MIDN: variants seen among roughly 807,000 people sequenced by gnomAD.
The protein encoded by MIDN is midbrain nucleolar protein.
In MIDN, 26 loss-of-function variants were observed where a neutral mutation model predicts 46.1. The ratio of observed to expected loss-of-function variants is 0.56; its 90% CI spans 0.41 to 0.78. MIDN has a LOEUF of 0.78. MIDN is among the 30% of genes least tolerant of loss of function. The probability of loss-of-function intolerance (pLI) is 0.00; values close to 1 mark genes in which losing one functional copy is unlikely to be tolerated. For synonymous variants in MIDN, 432 were observed against 343.3 expected (o/e 1.26, Z -2.86); for missense variants, 850 against 771.8 (o/e 1.10, Z -1.20).
chr19:1,250,243 C>G lies in MIDN; in HGVS notation c.-54C>G. The G allele has an allele frequency of 2.5e-6, 2 of 787,206 alleles. No individual in the cohort carries two copies. Among genetic ancestry groups the G allele is most frequent in the Non-Finnish European group, 3.1e-6 (2 of 649,456 alleles). 48.8% of individuals were successfully genotyped at this position (787,206 alleles called of 1,614,324 possible). ...GAGCCTCTCGCCCCTGTCCCGGAGG[C>G]GCGGCGAGGATTGGCGGCGCCCGCC... On this transcript the variant is annotated 5_prime_UTR_variant, in exon 2 of 9. Coordinates refer to ENST00000682408, the MANE Select transcript of MIDN (RefSeq NM_001388306.1).
At chr19:1,250,580 G>T in intron 2 of MIDN, 51 bp downstream of exon 2, 2 of 1,035,120 alleles carry the variant, frequency 1.9e-6, no homozygotes, top group South Asian at 8.6e-5. Context: ...CCGGCCCCCG[G>T]GCGGGAACAA....
intron 1 of MIDN, among the ~76,000 whole-genome samples, chr19:1,249,373 C>G (rs1189935227): frequency 6.6e-6 from 1 of 150,546 alleles, no homozygotes; most frequent in Non-Finnish European, 1.5e-5. Context: ...GCGGACTTCG[C>G]GCTCCCGCTT....
intron 2 of MIDN, among the ~76,000 whole-genome samples, chr19:1,251,064 G>T (rs1409822728): frequency 6.6e-6 from 1 of 151,960 alleles, no homozygotes; most frequent in African/African-American, 2.4e-5. Flanking sequence ...CGGGGGAGGG[G>T]CGGAGGGGGA....
In MIDN at chr19:1,257,439, A is replaced by G; in HGVS notation, c.*167A>G. ...TTTTATTATTTTTTTCTTTTTTTAAAAAGTTCTGACCGTGGTTTCCTGGAC... is the reference window on the plus strand; with the variant it reads ...TTTTATTATTTTTTTCTTTTTTTAAGAAGTTCTGACCGTGGTTTCCTGGAC... On this transcript the variant is annotated 3_prime_UTR_variant, in exon 9 of 9. Transcript: ENST00000682408. 1.7e-6 allele frequency: 1 copy of G among 600,736 alleles called. No homozygotes were observed. The highest frequency in any genetic ancestry group is 2.9e-6 in the Non-Finnish European group (1 of 345,822). 37.2% of individuals were successfully genotyped at this position (600,736 alleles called of 1,614,324 possible). A position where few individuals can be genotyped will look rare whatever the true frequency, so the allele number is the denominator to read the frequency against.
At chr19:1,251,724 G>GCA (rs1417492295) in intron 3 of MIDN, 75 bp downstream of exon 3, 4 of 1,516,336 alleles carry the variant, frequency 2.6e-6, no homozygotes, top group African/African-American at 1.4e-5. Context: ...GTACCTGTCC[G>GCA]CACACACACT....
rs538562464 is a variant in MIDN at position 1,251,132 on chromosome 19, G to T, written c.234-430G>T. 24 of 158,034 alleles carry T rather than the reference G, an allele frequency of 1.5e-4. No homozygotes were observed. The South Asian group carries it at 3.7e-3, about 24-fold the overall frequency. 9.8% of individuals were successfully genotyped at this position (158,034 alleles called of 1,614,324 possible). On this transcript the variant is annotated intron_variant, in intron 2 of 8. Transcript: ENST00000682408. ...TGCGCCGGGGAGGGAGGAGGAGGGG[G>T]AGCCCGGCCCGGCGCAACCCCCAGG...
In MIDN at chr19:1,258,157, C is replaced by T. The variant is rs898892725; in HGVS notation, c.*885C>T. The T allele has an allele frequency of 6.6e-6, 1 of 152,584 alleles. No homozygotes were observed. The highest frequency in any genetic ancestry group is 1.5e-5 in the Non-Finnish European group (1 of 68,056). 9.5% of individuals were successfully genotyped at this position (152,584 alleles called of 1,614,324 possible). The stretch of plus-strand genomic sequence containing the variant: ...GGGGTATTTATAGACTATTAATTTT[C>T]TGACTGAGCCAATAGTGGTTGGGGA... On this transcript the variant is annotated 3_prime_UTR_variant, in exon 9 of 9. Transcript: ENST00000682408.
rs763160836 is a variant in MIDN at position 1,255,615 on chromosome 19, C to T, written c.1179C>T (p.Thr393=). 33 of 1,608,772 alleles carry T rather than the reference C, an allele frequency of 2.1e-5. No homozygotes were observed. The highest frequency in any genetic ancestry group is 1.6e-4 in the Middle Eastern group (1 of 6,076). The change falls in exon 8 of 9, where the codon ACC becomes ACT. Residue 393 remains threonine (T), a synonymous_variant. Coordinates refer to ENST00000682408, the MANE Select transcript of MIDN (RefSeq NM_001388306.1). Reference sequence around the variant, plus strand: ...CCCCCGACCTGGCCCCCAGAACTACCTCCTGCGAGAAGCTCACGGCTGCCC... The same window carrying T: ...CCCCCGACCTGGCCCCCAGAACTACTTCCTGCGAGAAGCTCACGGCTGCCC... ...SPAPDLAPRT[T]SCEKLTAAPS... is the part of the protein sequence containing the mutation.
Position 1,251,702 on chromosome 19 carries a change from G to T in MIDN, c.321+53G>T, listed in dbSNP as rs556167848. The T allele has an allele frequency of 3.2e-6, 5 of 1,559,966 alleles. No homozygotes were observed. In the Admixed American group the frequency reaches 9.0e-5, roughly 28 times the overall value. On this transcript the variant is annotated intron_variant, in intron 3 of 8. Coordinates refer to ENST00000682408, the MANE Select transcript of MIDN (RefSeq NM_001388306.1). ...CAGAGGCCCCCGCACACAGGCAGTA[G>T]CCCCTCCCTCGGTACCTGTCCGCAC...
rs1336914046 is a variant in MIDN at position 1,259,128 on chromosome 19, CAG to C, written c.*1858_*1859del. The C allele has an allele frequency of 8.0e-5, 12 of 150,136 alleles. No individual in the cohort carries two copies. The highest frequency in any genetic ancestry group is 2.7e-4 in the African/African-American group (11 of 40,876). 9.3% of individuals were successfully genotyped at this position (150,136 alleles called of 1,614,324 possible). ...GAGCACCGTGATTTCAAGTAATAAA[CAG>C]AAAATGAAACACACATTGACTCCCG... On this transcript the variant is annotated 3_prime_UTR_variant, in exon 9 of 9. Transcript: ENST00000682408.
rs149674816 is a variant in MIDN, at chr19:1,254,948, C to T, written c.872C>T (p.Ala291Val). 145 of 1,612,302 alleles carry T rather than the reference C, an allele frequency of 9.0e-5. No individual in the cohort carries two copies. In the African/African-American group the frequency reaches 1.8e-3, roughly 20 times the overall value. The change falls in exon 7 of 9, where the codon GCC becomes GTC. Residue 291 changes from alanine (A) to valine (V), a missense_variant. Coordinates refer to ENST00000682408, the MANE Select transcript of MIDN (RefSeq NM_001388306.1). ...PTASSSASPG[A>V]STTSTPGASP... ...GCCAGCAGCAGTGCCAGTCCTGGTGCCAGCACCACGTCTACCCCAGGGGCC... is the reference window on the plus strand; with the variant it reads ...GCCAGCAGCAGTGCCAGTCCTGGTGTCAGCACCACGTCTACCCCAGGGGCC...
chr19:1,252,246 C>T lies in MIDN; in HGVS notation c.384+345C>T, dbSNP rs932377568. ...CCGCCCCCACCGAGGAGCCCCCCTC[C>T]AGCCGCTGTGGCTTCCCCAGAGCGA... On this transcript the variant is annotated intron_variant, in intron 4 of 8. Transcript: ENST00000682408. Among the ~76,000 whole-genome samples, 7 of 152,248 alleles carry T rather than the reference C, an allele frequency of 4.6e-5. No individual in the cohort carries two copies. The South Asian group carries it at 6.2e-4, about 13-fold the overall frequency.
Position 1,254,308 on chromosome 19 carries a change from G to A in MIDN, c.655G>A (p.Ala219Thr), listed in dbSNP as rs777660170. The A allele has an allele frequency of 8.9e-6, 14 of 1,568,452 alleles. No homozygotes were observed. Among genetic ancestry groups the A allele is most frequent in the Admixed American group, 7.2e-5 (4 of 55,788 alleles). Residue 219 changes from alanine (A) to threonine (T), a missense_variant, in exon 6 of 9, where the codon GCT (alanine) becomes ACT (threonine). Transcript: ENST00000682408. ...TGTGCTGGCCGCTGCGGCCGCCGCC[G>A]CTGCTGCGCGGGGGGACCCCAGCAT... ...RHVLAAAAAA[A>T]AARGDPSIAS...
Position 1,257,460 on chromosome 19 carries a change from T to C in MIDN, c.*188T>C. 5.3e-6 allele frequency: 3 copies of C among 567,204 alleles called. No homozygotes were observed. Among genetic ancestry groups the C allele is most frequent in the Non-Finnish European group, 9.3e-6 (3 of 322,474 alleles). 35.1% of individuals were successfully genotyped at this position (567,204 alleles called of 1,614,324 possible). A position where few individuals can be genotyped will look rare whatever the true frequency, so the allele number is the denominator to read the frequency against. On this transcript the variant is annotated 3_prime_UTR_variant, in exon 9 of 9. Coordinates refer to ENST00000682408, the MANE Select transcript of MIDN (RefSeq NM_001388306.1). ...TTAAAAAGTTCTGACCGTGGTTTCC[T>C]GGACTCTTCATGGGCTTTGCTTCCT...
intron 8 of MIDN, among the ~76,000 whole-genome samples, chr19:1,256,290 T>C (rs993835383): frequency 2.6e-5 from 4 of 152,164 alleles, no homozygotes; most frequent in Admixed American, 2.0e-4. Context: ...GAGACCATCT[T>C]GGCTAACATG....
intron 8 of MIDN, 76 bp downstream of exon 8, chr19:1,255,770 G>A: frequency 7.3e-7 from 1 of 1,369,926 alleles, no homozygotes; most frequent in South Asian, 1.5e-5. Context: ...TGAGCTGGTG[G>A]GCTCAGGAGC....
At chr19:1,255,757 G>A in intron 8 of MIDN, 63 bp downstream of exon 8, 2 of 1,422,098 alleles carry the variant, frequency 1.4e-6, no homozygotes, top group Non-Finnish European at 1.9e-6. Flanking sequence ...AGGCCCCTCT[G>A]TGTGAGCTGG....
In MIDN at chr19:1,254,888, C is replaced by T. The variant is rs372331902; in HGVS notation, c.826-14C>T. The T allele has an allele frequency of 6.3e-7, 1 of 1,594,526 alleles. No individual in the cohort carries two copies. Among genetic ancestry groups the T allele is most frequent in the Non-Finnish European group, 8.6e-7 (1 of 1,169,480 alleles). On this transcript the variant is annotated splice_polypyrimidine_tract_variant and intron_variant, in intron 6 of 8. Coordinates refer to ENST00000682408, the MANE Select transcript of MIDN (RefSeq NM_001388306.1). ...TCCTGGACCCCGTGCTCATGTGCCC[C>T]TTCCTCCCATCAGCAGATGGACTGC...
Position 1,255,080 on chromosome 19 carries a change from G to A in MIDN, c.985+19G>A, listed in dbSNP as rs1218626537. The A allele has an allele frequency of 6.2e-7, 1 of 1,605,792 alleles. No homozygotes were observed. The highest frequency in any genetic ancestry group is 8.5e-7 in the Non-Finnish European group (1 of 1,174,142). On this transcript the variant is annotated intron_variant, in intron 7 of 8. Coordinates refer to ENST00000682408, the MANE Select transcript of MIDN (RefSeq NM_001388306.1). ...TTCTCTGGTAGGTGTCACAGCACATGTGTGAGCTCACGTGTGTCCCGTGAC... is the reference window on the plus strand; with the variant it reads ...TTCTCTGGTAGGTGTCACAGCACATATGTGAGCTCACGTGTGTCCCGTGAC...
Sources: gnomAD v4.1 joint callset for allele counts (sites outside exome capture counted in the v4.1 genomes callset) on GRCh38, gnomAD v4.1.1 for gene constraint, MANE v1.5 for transcripts, NCBI Gene and HGNC (gene_info 2026-07-23, HGNC 2026-07-21) for gene names.